The following HCN1 variants were observed in gnomAD, a reference collection of about 807,000 sequenced individuals.
The protein encoded by HCN1 is potassium/sodium hyperpolarization-activated cyclic nucleotide-gated channel 1.
Under a neutral mutation model 78.9 loss-of-function variants are expected in HCN1, and 13 were observed. The observed-to-expected ratio is 0.16, with a 90% CI of 0.11 to 0.26. The LOEUF (loss-of-function observed/expected upper bound fraction) is 0.26. HCN1 is among the 10% of genes least tolerant of loss of function. HCN1 has a pLI of 1.00. For synonymous variants in HCN1, 552 were observed against 455.5 expected (o/e 1.21, Z -2.70); for missense variants, 810 against 1,154.3 (o/e 0.70, Z 4.32).
chr5:45,690,649 A>T (rs1231083494), intron 1 of HCN1, among the ~76,000 whole-genome samples: 6 of 152,084 alleles, frequency 3.9e-5, no homozygotes, highest in African/African-American at 1.4e-4. Context: ...TTTTTAGAAG[A>T]AAAGTACTTA....
chr5:45,532,116 T>A, intron 2 of HCN1, among the ~76,000 whole-genome samples: 1 of 152,164 alleles, frequency 6.6e-6, no homozygotes. Context: ...TTCTCTCCCC[T>A]ATGTTTCCAT....
intron 2 of HCN1, among the ~76,000 whole-genome samples, chr5:45,570,731 A>G (rs1460013474): frequency 6.6e-6 from 1 of 152,172 alleles, no homozygotes; most frequent in Non-Finnish European, 1.5e-5. Flanking sequence ...TACTTTTAAA[A>G]AGATTAAAAC....
chr5:45,658,888 C>A (rs1232505474), intron 1 of HCN1, among the ~76,000 whole-genome samples: 1 of 148,322 alleles, frequency 6.7e-6, no homozygotes, highest in Non-Finnish European at 1.5e-5. Context: ...GGGGCGCCCG[C>A]CATTGCCCAG....
chr5:45,639,460 G>A (rs957703878), intron 2 of HCN1, among the ~76,000 whole-genome samples: 3 of 152,078 alleles, frequency 2.0e-5, no homozygotes, highest in Non-Finnish European at 4.4e-5. Flanking sequence ...GATTGTTCAT[G>A]GGCATAAATA....
intron 3 of HCN1, among the ~76,000 whole-genome samples, chr5:45,441,454 T>C (rs1412480136): frequency 2.0e-5 from 3 of 152,062 alleles, no homozygotes; most frequent in Admixed American, 6.5e-5. Context: ...AGATTGATAC[T>C]ATTTAATACA....
At chr5:45,664,723 G>C (rs1350534937) in intron 1 of HCN1, among the ~76,000 whole-genome samples, 1 of 151,968 alleles carries the variant, frequency 6.6e-6, no homozygotes, top group Non-Finnish European at 1.5e-5. Flanking sequence ...GGCCATCAGA[G>C]AAATGCAAAT....
At chr5:45,514,379 T>G (rs1742479747) in intron 2 of HCN1, among the ~76,000 whole-genome samples, 1 of 152,126 alleles carries the variant, frequency 6.6e-6, no homozygotes, top group Admixed American at 6.6e-5. Context: ...TTCCAATATT[T>G]CTCTGCTCTA....
intron 5 of HCN1, among the ~76,000 whole-genome samples, chr5:45,326,070 T>C (rs1746228469): frequency 6.6e-6 from 1 of 151,600 alleles, no homozygotes; most frequent in South Asian, 2.1e-4. Context: ...TAATCAAGCA[T>C]TTTCTAAATT....
intron 2 of HCN1, among the ~76,000 whole-genome samples, chr5:45,551,026 A>AAGCATAC (rs1312250060): frequency 6.6e-5 from 10 of 152,022 alleles, no homozygotes; most frequent in African/African-American, 2.4e-4. Flanking sequence ...ACATAATCTT[A>AAGCATAC]AGCATACAGA....
At chr5:45,507,411 G>T (rs1489788920) in intron 2 of HCN1, among the ~76,000 whole-genome samples, 1 of 152,146 alleles carries the variant, frequency 6.6e-6, no homozygotes, top group Non-Finnish European at 1.5e-5. Context: ...TACAACTGTT[G>T]CCAGTCTGTT....
At chr5:45,267,565 C>T (rs1258377214) in intron 6 of HCN1, among the ~76,000 whole-genome samples, 1 of 151,456 alleles carries the variant, frequency 6.6e-6, no homozygotes, top group Admixed American at 6.6e-5. Flanking sequence ...GTCAAGAGAT[C>T]GAGACCATCC....
Position 45,611,863 on chromosome 5 carries a change from T to A in HCN1, c.849+33322A>T, listed in dbSNP as rs139317166. 7.1e-3 allele frequency among the ~76,000 whole-genome samples: 1,085 copies of A among 152,162 alleles called. 9 individuals carry two copies. Among genetic ancestry groups the A allele is most frequent in the Non-Finnish European group, 0.01 (694 of 68,010 alleles). ...AAAAAGTAACTACATTGGAGACAAATCTTAATATAGAGCAGAGAATTTTAA... is the reference window on the plus strand; with the variant it reads ...AAAAAGTAACTACATTGGAGACAAAACTTAATATAGAGCAGAGAATTTTAA... On this transcript the variant is annotated intron_variant, in intron 2 of 7. Coordinates refer to ENST00000303230, the MANE Select transcript of HCN1 (RefSeq NM_021072.4).
At chr5:45,648,321 C>A in intron 1 of HCN1, among the ~76,000 whole-genome samples, 1 of 152,184 alleles carries the variant, frequency 6.6e-6, no homozygotes, top group African/African-American at 2.4e-5. Context: ...AAGCACCATT[C>A]ATTCTTTACT....
chr5:45,401,639 C>A (rs918667830), intron 3 of HCN1, among the ~76,000 whole-genome samples: 1 of 148,200 alleles, frequency 6.7e-6, no homozygotes, highest in Non-Finnish European at 1.5e-5. Context: ...TATACTTACA[C>A]GTATTACCTA....
intron 4 of HCN1, among the ~76,000 whole-genome samples, chr5:45,358,496 C>G (rs574985992): frequency 6.6e-6 from 1 of 152,038 alleles, no homozygotes; most frequent in Non-Finnish European, 1.5e-5. Context: ...CTGGTCAAAG[C>G]TACTCTCTCT....
At chr5:45,405,653 G>T in intron 3 of HCN1, among the ~76,000 whole-genome samples, 1 of 152,096 alleles carries the variant, frequency 6.6e-6, no homozygotes, top group East Asian at 1.9e-4. Context: ...AGCAATCTTC[G>T]TGGCTCTGCC....
chr5:45,450,636 C>A (rs1440739451), intron 3 of HCN1, among the ~76,000 whole-genome samples: 1 of 152,062 alleles, frequency 6.6e-6, no homozygotes, highest in African/African-American at 2.4e-5. Context: ...TAATGAATTG[C>A]AGGTACTAAA....
intron 3 of HCN1, among the ~76,000 whole-genome samples, chr5:45,413,278 G>T (rs1740058959): frequency 6.6e-6 from 1 of 151,894 alleles, no homozygotes; most frequent in Non-Finnish European, 1.5e-5. Context: ...AGTAAGTCAG[G>T]AATAAAAAAA....
chr5:45,386,088 T>C (rs557799037), intron 4 of HCN1, among the ~76,000 whole-genome samples: 2 of 152,344 alleles, frequency 1.3e-5, no homozygotes, highest in East Asian at 3.9e-4. Flanking sequence ...CTCCATTGTA[T>C]TGTGCCACAG....
Sources: allele counts gnomAD v4.1 joint callset (sites outside exome capture counted in the v4.1 genomes callset), GRCh38; gene constraint gnomAD v4.1.1; transcripts MANE v1.5; gene names NCBI Gene and HGNC (gene_info 2026-07-23, HGNC 2026-07-21).